Variants in TANC2 observed in about 807,000 individuals in gnomAD.
TANC2 encodes protein TANC2.
TANC2 carries 26 observed loss-of-function variants against 210.5 expected under a neutral mutation model. The ratio of observed to expected loss-of-function variants is 0.12; its 90% CI spans 0.09 to 0.17. The LOEUF (loss-of-function observed/expected upper bound fraction) is 0.17, where lower values mean the gene tolerates loss of function less well. Among genes scored for constraint, TANC2 ranks in the 10% least tolerant of loss-of-function variants. The probability of loss-of-function intolerance (pLI) is 1.00; values close to 1 mark genes in which losing one functional copy is unlikely to be tolerated. For missense variants in TANC2, 2,129 were observed against 2,608.9 expected, an observed-to-expected ratio of 0.82 and a Z score of 4.01; for synonymous variants, 931 against 967.1, an observed-to-expected ratio of 0.96 and a Z score of 0.69.
At chr17:62,991,713 A>G (rs1024703606) in intron 1 of TANC2, among the ~76,000 whole-genome samples, 3 of 152,146 alleles carry the variant, frequency 2.0e-5, no homozygotes, top group African/African-American at 7.2e-5. Flanking sequence ...ATAAGTATTT[A>G]CATAACATAT....
At chr17:63,374,032 G>GTT (rs35801082) in intron 14 of TANC2, among the ~76,000 whole-genome samples, 22,525 of 93,410 alleles carry the variant, frequency 0.24, 3,195 homozygotes, top group African/African-American at 0.32. Context: ...GTTGTTGTTG[G>GTT]TTTTTTTTTT....
At chr17:63,336,883 A>G (rs980988557) in intron 11 of TANC2, among the ~76,000 whole-genome samples, 2 of 152,194 alleles carry the variant, frequency 1.3e-5, no homozygotes, top group African/African-American at 4.8e-5. Context: ...ATTCCCAAGG[A>G]GCTGTAATAG....
intron 24 of TANC2, chr17:63,413,300 T>C: frequency 2.6e-6 from 1 of 378,890 alleles, no homozygotes; most frequent in Non-Finnish European, 4.7e-6. Flanking sequence ...CAGGCTTTGC[T>C]GCCCTCGCGT....
intron 2 of TANC2, among the ~76,000 whole-genome samples, chr17:63,032,790 C>T (rs1364845689): frequency 6.6e-6 from 1 of 152,126 alleles, no homozygotes; most frequent in Non-Finnish European, 1.5e-5. Context: ...CTTCCAAAAC[C>T]AACTGAGTAT....
intron 4 of TANC2, among the ~76,000 whole-genome samples, chr17:63,129,476 A>G (rs2038838429): frequency 6.6e-6 from 1 of 152,204 alleles, no homozygotes; most frequent in South Asian, 2.1e-4. Flanking sequence ...GTGTATGTCA[A>G]GTGCTTAGCA....
intron 1 of TANC2, among the ~76,000 whole-genome samples, chr17:62,984,789 T>C (rs1230273389): frequency 1.3e-5 from 2 of 152,178 alleles, no homozygotes; most frequent in African/African-American, 4.8e-5. Flanking sequence ...CTTGTAATTT[T>C]TAGTTTCATT....
intron 1 of TANC2, among the ~76,000 whole-genome samples, chr17:63,007,141 A>G (rs1310395705): frequency 2.6e-5 from 4 of 152,000 alleles, no homozygotes; most frequent in Non-Finnish European, 4.4e-5. Flanking sequence ...GGGTGGGAGG[A>G]TCACTTGAGC....
At chr17:63,350,799 T>C (rs1422256401) in intron 12 of TANC2, among the ~76,000 whole-genome samples, 1 of 151,902 alleles carries the variant, frequency 6.6e-6, no homozygotes, top group African/African-American at 2.4e-5. Context: ...TTTTAGACTT[T>C]AGACTTTACA....
chr17:63,009,789 A>G (rs1185431023), intron 2 of TANC2, among the ~76,000 whole-genome samples, 163 bp downstream of exon 2: 3 of 152,206 alleles, frequency 2.0e-5, no homozygotes, highest in Non-Finnish European at 4.4e-5. Flanking sequence ...AGGTAGGAAC[A>G]CTTGAATGCG....
At chr17:63,324,813 A>G (rs1183292448) in intron 11 of TANC2, among the ~76,000 whole-genome samples, 11 of 152,120 alleles carry the variant, frequency 7.2e-5, no homozygotes, top group African/African-American at 9.7e-5. Context: ...TTAAATGTTC[A>G]CCACCATATC....
chr17:63,199,971 G>C (rs2041471770), intron 6 of TANC2, among the ~76,000 whole-genome samples: 1 of 152,132 alleles, frequency 6.6e-6, no homozygotes, highest in Non-Finnish European at 1.5e-5. Flanking sequence ...ATTGTCTCTG[G>C]ACAGCTGCCT....
chr17:62,985,293 CTT>C (rs1478310669), intron 1 of TANC2, among the ~76,000 whole-genome samples: 1 of 151,940 alleles, frequency 6.6e-6, no homozygotes, highest in East Asian at 1.9e-4. Context: ...ATGTTTTTCT[CTT>C]GTTTTTAGAA....
chr17:63,223,112 T>C (rs759959559), intron 7 of TANC2, among the ~76,000 whole-genome samples: 3 of 152,168 alleles, frequency 2.0e-5, no homozygotes, highest in Non-Finnish European at 4.4e-5. Context: ...AGACTAGTGG[T>C]TGATTTGAGG....
chr17:63,043,390 C>G (rs978956412), intron 2 of TANC2, among the ~76,000 whole-genome samples: 1 of 152,052 alleles, frequency 6.6e-6, no homozygotes, highest in Non-Finnish European at 1.5e-5. Flanking sequence ...TAATTATAAA[C>G]CCATATACAT....
At chr17:63,097,505 G>C (rs977488376) in intron 3 of TANC2, among the ~76,000 whole-genome samples, 4 of 150,790 alleles carry the variant, frequency 2.7e-5, no homozygotes, top group Non-Finnish European at 2.9e-5. Flanking sequence ...GGCCACATTG[G>C]AATAAGTATT....
chr17:63,106,773 A>G (rs979987102), intron 4 of TANC2, among the ~76,000 whole-genome samples: 2 of 151,712 alleles, frequency 1.3e-5, no homozygotes, highest in African/African-American at 2.4e-5. Flanking sequence ...CTCTTTTTAT[A>G]TTTAACCTGT....
At chr17:63,389,260 A>T in intron 16 of TANC2, 48 bp from the exon 17 acceptor site, 3 of 1,422,094 alleles carry the variant, frequency 2.1e-6, no homozygotes, top group Non-Finnish European at 2.0e-6. Flanking sequence ...GACTAAAAGG[A>T]TGTGACTCCT....
At chr17:63,228,424 G>A (rs1002017840) in intron 7 of TANC2, among the ~76,000 whole-genome samples, 1 of 152,142 alleles carries the variant, frequency 6.6e-6, no homozygotes, top group Non-Finnish European at 1.5e-5. Flanking sequence ...CTCTTTGTTG[G>A]TTCCATATGA....
chr17:63,174,107 G>A (rs909918450), intron 5 of TANC2, among the ~76,000 whole-genome samples: 1 of 152,212 alleles, frequency 6.6e-6, no homozygotes, highest in Non-Finnish European at 1.5e-5. Context: ...AGTGACGAAG[G>A]CAGATTTTTG....
Sources: gnomAD v4.1 joint callset for allele counts (sites outside exome capture counted in the v4.1 genomes callset) on GRCh38, gnomAD v4.1.1 for gene constraint, MANE v1.5 for transcripts, NCBI Gene and HGNC (gene_info 2026-07-23, HGNC 2026-07-21) for gene names.